CDKL1: variants seen among roughly 807,000 people sequenced by gnomAD.
CDKL1 encodes cyclin-dependent kinase-like 1.
CDKL1 carries 41 observed loss-of-function variants against 42.0 expected under a neutral mutation model. The ratio of observed to expected loss-of-function variants is 0.98; its 90% CI spans 0.76 to 1.27. CDKL1 has a LOEUF of 1.27. Among genes scored for constraint, CDKL1 ranks in the 50% most tolerant of loss-of-function variants. The probability of loss-of-function intolerance (pLI) is 0.00; values close to 1 mark genes in which losing one functional copy is unlikely to be tolerated. For synonymous variants in CDKL1, 153 were observed against 158.6 expected (o/e 0.96, Z 0.26); for missense variants, 394 against 428.4 (o/e 0.92, Z 0.71).
Position 50,395,771 on chromosome 14 carries a change from T to C in CDKL1, c.98A>G (p.Lys33Arg), listed in dbSNP as rs371025368. The C allele has an allele frequency of 1.2e-5, 20 of 1,613,948 alleles. No homozygotes were observed. Among genetic ancestry groups the C allele is most frequent in the Admixed American group, 1.7e-5 (1 of 60,012 alleles). The change falls in exon 2 of 10, where the codon AAG (lysine) becomes AGG (arginine). Residue 33 changes from lysine to arginine, a missense_variant. Coordinates refer to ENST00000395834, the MANE Select transcript of CDKL1 (RefSeq NM_004196.7). ...GTCATCTTCTGATTCCAGAAACTTC[T>C]TGATGGCCACAATCTGACCCGTGTC... ...NRDTGQIVAI[K>R]KFLESEDDPV...
chr14:50,372,897 T>A (rs79343563), intron 2 of CDKL1, among the ~76,000 whole-genome samples: 2 of 52,944 alleles, frequency 3.8e-5, no homozygotes, highest in Non-Finnish European at 9.8e-5. Flanking sequence ...ATGTGTCTAA[T>A]TTTTTTTTTT....
At chr14:50,350,688 C>T (rs1255921776) in intron 3 of CDKL1, among the ~76,000 whole-genome samples, 1 of 152,144 alleles carries the variant, frequency 6.6e-6, no homozygotes, top group Admixed American at 6.5e-5. Context: ...GCTCCCCCGA[C>T]CTAGAAATGA....
intron 4 of CDKL1, chr14:50,342,807 G>A: frequency 9.1e-7 from 1 of 1,095,248 alleles, no homozygotes; most frequent in Non-Finnish European, 1.2e-6. Flanking sequence ...GAGATAAGCT[G>A]GGAAGAGAAG....
chr14:50,345,905 G>C (rs572687744), intron 3 of CDKL1, among the ~76,000 whole-genome samples: 17 of 152,274 alleles, frequency 1.1e-4, no homozygotes, highest in African/African-American at 3.9e-4. Context: ...GTGTGAATTA[G>C]AAAGAGGCAT....
At chr14:50,395,519 G>A (rs767069361) in intron 2 of CDKL1, among the ~76,000 whole-genome samples, 182 bp downstream of exon 2, 24 of 152,072 alleles carry the variant, frequency 1.6e-4, no homozygotes, top group Non-Finnish European at 3.2e-4. Flanking sequence ...AGAAAAAGTG[G>A]ATCCCGGAGC....
At chr14:50,372,792 TTTCCCACTGTGTA>T (rs1400441387) in intron 2 of CDKL1, among the ~76,000 whole-genome samples, 2 of 152,232 alleles carry the variant, frequency 1.3e-5, no homozygotes, top group African/African-American at 4.8e-5. Context: ...AGACTATGCT[TTTCCCACTGTGTA>T]TTCTTGATGC....
At chr14:50,353,486 G>A (rs1336628255) in intron 3 of CDKL1, among the ~76,000 whole-genome samples, 2 of 151,526 alleles carry the variant, frequency 1.3e-5, no homozygotes, top group East Asian at 3.9e-4. Context: ...GGGAAGGGCT[G>A]GGGGTCTGGC....
intron 2 of CDKL1, among the ~76,000 whole-genome samples, chr14:50,385,070 C>CAAAAAAAAAAAAAAAAAAAA (rs55719234): frequency 1.1e-5 from 1 of 93,568 alleles, no homozygotes; most frequent in Non-Finnish European, 2.0e-5. Context: ...GACTCTGTCT[C>CAAAAAAAAAAAAAAAAAAAA]AAAAAAAAAA....
At chr14:50,372,522 T>C (rs2034619139) in intron 2 of CDKL1, among the ~76,000 whole-genome samples, 1 of 152,260 alleles carries the variant, frequency 6.6e-6, no homozygotes, top group Non-Finnish European at 1.5e-5. Context: ...GTTGTTTTCT[T>C]TACTGTGCAG....
At position 50,326,494 on chromosome 14, in the gene CDKL1, G is replaced by A. The variant is rs1014569812; in HGVS notation, c.*3580C>T. The A allele has an allele frequency of 1.0e-6, 1 of 985,326 alleles. No homozygotes were observed. Among genetic ancestry groups the A allele is most frequent in the Admixed American group, 6.1e-5 (1 of 16,268 alleles). 61.0% of individuals were successfully genotyped at this position (985,326 alleles called of 1,614,324 possible). A position where few individuals can be genotyped will look rare whatever the true frequency, so the allele number is the denominator to read the frequency against. ...CAATTATGCAAAGTGGTCAGTGGTT[G>A]TTGAAGCATGCATTGCTTCAACAGG... On this transcript the variant is annotated 3_prime_UTR_variant, in exon 10 of 10. Transcript: ENST00000395834.
At chr14:50,339,625 C>A (rs2139390879) in intron 6 of CDKL1, among the ~76,000 whole-genome samples, 1 of 152,226 alleles carries the variant, frequency 6.6e-6, no homozygotes, top group South Asian at 2.1e-4. Context: ...ACCATCTTTT[C>A]TTATTTCACC....
chr14:50,365,297 A>G (rs1433645359), intron 2 of CDKL1, among the ~76,000 whole-genome samples: 1 of 152,184 alleles, frequency 6.6e-6, no homozygotes, highest in Non-Finnish European at 1.5e-5. Context: ...GAGGGCTTAC[A>G]GTGCCTCTGG....
intron 2 of CDKL1, among the ~76,000 whole-genome samples, chr14:50,384,193 T>C (rs1253273508): frequency 6.6e-6 from 1 of 152,192 alleles, no homozygotes; most frequent in Non-Finnish European, 1.5e-5. Context: ...TATACATTAG[T>C]AATGAACATC....
In CDKL1 at chr14:50,396,284, C is replaced by T; in HGVS notation, c.-416G>A. ...GTCGCTTATAAAATATTGGCACCAACGGACTGCACTAGAGCCCCACCCAAC... is the reference window on the plus strand; with the variant it reads ...GTCGCTTATAAAATATTGGCACCAATGGACTGCACTAGAGCCCCACCCAAC... On this transcript the variant is annotated 5_prime_UTR_variant, in exon 2 of 10. Coordinates refer to ENST00000395834, the MANE Select transcript of CDKL1 (RefSeq NM_004196.7). 9.8e-7 allele frequency: 1 copy of T among 1,024,714 alleles called. No homozygotes were observed. The highest frequency in any genetic ancestry group is 1.2e-6 in the Non-Finnish European group (1 of 855,524). 63.5% of individuals were successfully genotyped at this position (1,024,714 alleles called of 1,614,324 possible).
chr14:50,353,879 A>G (rs1434620991), intron 3 of CDKL1, among the ~76,000 whole-genome samples: 2 of 152,140 alleles, frequency 1.3e-5, no homozygotes, highest in Non-Finnish European at 2.9e-5. Flanking sequence ...AATATTAACT[A>G]ATTTATTTAA....
chr14:50,366,469 G>A (rs55940206), intron 2 of CDKL1, among the ~76,000 whole-genome samples: 2,260 of 152,256 alleles, frequency 0.015, 57 homozygotes, highest in African/African-American at 0.051. Flanking sequence ...GATCCTACAG[G>A]GCCTTGCAGG....
intron 2 of CDKL1, among the ~76,000 whole-genome samples, chr14:50,361,024 T>C (rs186452023): frequency 6.6e-6 from 1 of 152,368 alleles, no homozygotes; most frequent in African/African-American, 2.4e-5. Context: ...AAATATGTTT[T>C]TGAGACTCTA....
intron 7 of CDKL1, chr14:50,336,159 C>A (rs773323927): frequency 2.2e-6 from 3 of 1,364,150 alleles, no homozygotes; most frequent in Non-Finnish European, 9.8e-7. Flanking sequence ...CATCTGTGAG[C>A]GTTTCACAGC....
chr14:50,372,954 G>A (rs188968213), intron 2 of CDKL1, among the ~76,000 whole-genome samples: 71 of 151,622 alleles, frequency 4.7e-4, no homozygotes, highest in Non-Finnish European at 7.5e-4. Context: ...AAAATAGTTT[G>A]AAATCAGGTA....
Sources: gnomAD v4.1 joint callset for allele counts (sites outside exome capture counted in the v4.1 genomes callset) on GRCh38, gnomAD v4.1.1 for gene constraint, MANE v1.5 for transcripts, NCBI Gene and HGNC (gene_info 2026-07-23, HGNC 2026-07-21) for gene names.